The following MTSS1 variants were observed in gnomAD, a reference collection of about 807,000 sequenced individuals.
MTSS1 encodes MTSS I-BAR domain containing 1.
Under a neutral mutation model 79.0 loss-of-function variants are expected in MTSS1, and 18 were observed. The observed-to-expected ratio is 0.23, with a 90% CI of 0.16 to 0.34. The LOEUF (loss-of-function observed/expected upper bound fraction) is 0.34. Among genes scored for constraint, MTSS1 ranks in the 10% least tolerant of loss-of-function variants. The probability of loss-of-function intolerance (pLI) is 1.00; values close to 1 mark genes in which losing one functional copy is unlikely to be tolerated. For missense variants in MTSS1, 815 were observed against 986.2 expected (o/e 0.83, Z 2.33); for synonymous variants, 341 against 368.6 (o/e 0.93, Z 0.86).
intron 3 of MTSS1, among the ~76,000 whole-genome samples, chr8:124,619,932 TTTTTCTTTTCTTTTC>T (rs138460701): frequency 2.7e-5 from 4 of 149,558 alleles, no homozygotes; most frequent in African/African-American, 5.0e-5. Context: ...AGCACAACTG[TTTTTCTTTTCTTTTC>T]TTTTCTTTTC....
intron 3 of MTSS1, among the ~76,000 whole-genome samples, chr8:124,623,249 A>G (rs914820681): frequency 1.3e-5 from 2 of 152,250 alleles, no homozygotes; most frequent in South Asian, 4.1e-4. Flanking sequence ...TACGAAGACT[A>G]CACACAACTA....
At chr8:124,599,571 C>T (rs545392529) in intron 3 of MTSS1, among the ~76,000 whole-genome samples, 2 of 151,750 alleles carry the variant, frequency 1.3e-5, no homozygotes, top group South Asian at 4.2e-4. Context: ...GGTTCCTGGG[C>T]ACATAACTAC....
At chr8:124,648,327 T>C (rs988259613) in intron 3 of MTSS1, among the ~76,000 whole-genome samples, 4 of 152,174 alleles carry the variant, frequency 2.6e-5, no homozygotes, top group African/African-American at 9.6e-5. Flanking sequence ...ATGGACTCTT[T>C]GGGTGCAGTT....
intron 3 of MTSS1, among the ~76,000 whole-genome samples, chr8:124,649,576 C>A: frequency 6.6e-6 from 1 of 152,106 alleles, no homozygotes; most frequent in East Asian, 1.9e-4. Context: ...AAGCTCCCGG[C>A]ACAGGCAAAT....
At chr8:124,681,331 A>G (rs1587775842) in intron 3 of MTSS1, among the ~76,000 whole-genome samples, 3 of 152,216 alleles carry the variant, frequency 2.0e-5, no homozygotes, top group Non-Finnish European at 2.9e-5. Flanking sequence ...AGCTATTTCA[A>G]GCAGCAAAGG....
chr8:124,647,919 T>C (rs1206253803), intron 3 of MTSS1, among the ~76,000 whole-genome samples: 1 of 152,174 alleles, frequency 6.6e-6, no homozygotes, highest in African/African-American at 2.4e-5. Flanking sequence ...TCACCAACAG[T>C]GGGGTCATGT....
chr8:124,598,468 T>C (rs1426452400), intron 3 of MTSS1, among the ~76,000 whole-genome samples: 2 of 152,010 alleles, frequency 1.3e-5, no homozygotes, highest in Non-Finnish European at 2.9e-5. Context: ...CGTAGGAACA[T>C]GCATCCTTTT....
chr8:124,660,375 G>A (rs1821779856), intron 3 of MTSS1, among the ~76,000 whole-genome samples: 1 of 150,784 alleles, frequency 6.6e-6, no homozygotes, highest in Admixed American at 6.6e-5. Context: ...GGAACGAATG[G>A]CACTAGTTTA....
At position 124,616,101 on chromosome 8, in the gene MTSS1, G is replaced by A. The variant is rs16899858; in HGVS notation, c.209-24866C>T. Among the ~76,000 whole-genome samples the A allele has an allele frequency of 9.6e-3, 1,467 of 152,330 alleles. 84 individuals are homozygous for A. The highest frequency in any genetic ancestry group is 0.074 in the Admixed American group (1,125 of 15,304). On this transcript the variant is annotated intron_variant, in intron 3 of 13. Transcript: ENST00000518547. The stretch of plus-strand genomic sequence containing the variant: ...AACTGAACCAAGAGTGCAAGTTCAT[G>A]ATGCCAAATTCAGGGCACAGATAAA...
Position 124,606,871 on chromosome 8 carries a change from C to T in MTSS1, c.209-15636G>A. 1.3e-5 allele frequency among the ~76,000 whole-genome samples: 2 copies of T among 152,164 alleles called. 1 individual carries two copies. The highest frequency in any genetic ancestry group is 6.3e-3 in the Middle Eastern group (2 of 316). ...CCTGCCAGCTTCCTTTGGCAGGGTA[C>T]ACTGCTTATTCATGCAGAGGACCCC... On this transcript the variant is annotated intron_variant, in intron 3 of 13. Coordinates refer to ENST00000518547, the MANE Select transcript of MTSS1 (RefSeq NM_014751.6).
chr8:124,715,103 C>T (rs935065979), intron 1 of MTSS1, among the ~76,000 whole-genome samples: 114 of 152,288 alleles, frequency 7.5e-4, no homozygotes, highest in Non-Finnish European at 1.2e-3. Context: ...GGTCCATTTA[C>T]ACTCACCCAT....
At chr8:124,660,606 A>G (rs1205685659) in intron 3 of MTSS1, among the ~76,000 whole-genome samples, 1 of 152,092 alleles carries the variant, frequency 6.6e-6, no homozygotes, top group Non-Finnish European at 1.5e-5. Context: ...CCTCCCTCCC[A>G]CTTGCTGGGG....
intron 3 of MTSS1, among the ~76,000 whole-genome samples, chr8:124,660,530 A>G (rs1178832485): frequency 2.0e-5 from 3 of 151,962 alleles, no homozygotes; most frequent in African/African-American, 7.3e-5. Flanking sequence ...GGCTTCCCAC[A>G]CAACAGCACA....
intron 3 of MTSS1, 39 bp from the exon 4 acceptor site, chr8:124,591,274 C>G: frequency 6.5e-7 from 1 of 1,543,494 alleles, no homozygotes; most frequent in South Asian, 1.1e-5. Context: ...GGATAGAAGA[C>G]TAGCAGGGAT....
chr8:124,589,726 G>A lies in MTSS1; in HGVS notation c.294-15C>T, dbSNP rs760120975. 3.3e-6 allele frequency: 5 copies of A among 1,527,936 alleles called. No individual in the cohort carries two copies. The highest frequency in any genetic ancestry group is 4.5e-6 in the Non-Finnish European group (5 of 1,108,372). 94.6% of individuals were successfully genotyped at this position (1,527,936 alleles called of 1,614,324 possible). A position where few individuals can be genotyped will look rare whatever the true frequency, so the allele number is the denominator to read the frequency against. On this transcript the variant is annotated splice_polypyrimidine_tract_variant and intron_variant, in intron 4 of 13. Coordinates refer to ENST00000518547, the MANE Select transcript of MTSS1 (RefSeq NM_014751.6). The stretch of plus-strand genomic sequence containing the variant: ...CAATTAAAGCGCTTTTACCAAGCGG[G>A]GGGGAAAAAGGGAGAAATTAAATAG...
chr8:124,555,630 C>T (rs1037499556), intron 13 of MTSS1, 112 bp downstream of exon 13: 3 of 1,266,098 alleles, frequency 2.4e-6, no homozygotes, highest in Admixed American at 2.9e-5. Flanking sequence ...ACAATCCTGA[C>T]ACCTGTTAGT....
At chr8:124,587,711 G>A (rs770802067) in intron 5 of MTSS1, among the ~76,000 whole-genome samples, 4 of 152,002 alleles carry the variant, frequency 2.6e-5, no homozygotes, top group Non-Finnish European at 5.9e-5. Context: ...TGCCATGTTG[G>A]CCAGGCTGGT....
chr8:124,572,851 A>T (rs1184042544), intron 6 of MTSS1, among the ~76,000 whole-genome samples: 1 of 149,264 alleles, frequency 6.7e-6, no homozygotes, highest in Non-Finnish European at 1.5e-5. Flanking sequence ...GGTTCAAGAG[A>T]TTCTCTTGCC....
chr8:124,705,712 T>G (rs1830291376), intron 1 of MTSS1, among the ~76,000 whole-genome samples: 1 of 152,112 alleles, frequency 6.6e-6, no homozygotes, highest in Non-Finnish European at 1.5e-5. Context: ...GCTAAAACAT[T>G]AACAGTTTTA....
Sources: allele counts gnomAD v4.1 joint callset (sites outside exome capture counted in the v4.1 genomes callset), GRCh38; gene constraint gnomAD v4.1.1; transcripts MANE v1.5; gene names NCBI Gene and HGNC (gene_info 2026-07-23, HGNC 2026-07-21).